RABGAP1L: variants seen among roughly 807,000 people sequenced by gnomAD.
RABGAP1L encodes rab GTPase-activating protein 1-like.
Under a neutral mutation model 137.7 loss-of-function variants are expected in RABGAP1L, and 63 were observed. The observed-to-expected ratio is 0.46, with a 90% CI of 0.37 to 0.56. The LOEUF is 0.56. Ranked by LOEUF, RABGAP1L falls within the 20% of genes least tolerant of loss-of-function variation. RABGAP1L has a pLI of 0.00. For missense variants in RABGAP1L, 1,095 were observed against 1,244.0 expected, an observed-to-expected ratio of 0.88 and a Z score of 1.80; for synonymous variants, 431 against 433.7, an observed-to-expected ratio of 0.99 and a Z score of 0.08.
chr1:174,774,529 G>C (rs1314226622), intron 18 of RABGAP1L, among the ~76,000 whole-genome samples: 1 of 151,808 alleles, frequency 6.6e-6, no homozygotes, highest in South Asian at 2.1e-4. Flanking sequence ...GTGAGATCCT[G>C]TCTCAAAAAA....
intron 18 of RABGAP1L, among the ~76,000 whole-genome samples, chr1:174,772,701 A>G (rs1427291390): frequency 6.6e-6 from 1 of 152,048 alleles, no homozygotes; most frequent in Non-Finnish European, 1.5e-5. Flanking sequence ...TCATCTTGCA[A>G]AACTGAAACT....
rs945500095 is a variant in RABGAP1L at position 174,876,134 on chromosome 1, T to C, written c.2340+64174T>C. On this transcript the variant is annotated intron_variant, in intron 19 of 25. Transcript: ENST00000681986. ...GTTAATGTAGATGAAAAAAATACTT[T>C]TGGAAAACATGGGAAAATAACACTA... Among the ~76,000 whole-genome samples the C allele has an allele frequency of 2.6e-5, 4 of 152,294 alleles. No homozygotes were observed. The East Asian group carries it at 5.8e-4, about 22-fold the overall frequency.
intron 13 of RABGAP1L, among the ~76,000 whole-genome samples, chr1:174,399,094 G>A (rs926881449): frequency 2.0e-5 from 3 of 152,074 alleles, no homozygotes; most frequent in Admixed American, 6.6e-5. Context: ...CTAATCATGT[G>A]CGTTTATTCA....
intron 5 of RABGAP1L, chr1:174,245,475 C>T (rs1389391518): frequency 6.6e-6 from 1 of 152,174 alleles, no homozygotes; most frequent in Non-Finnish European, 1.5e-5. Context: ...TTCCTTAAAT[C>T]AATTGATTTT....
chr1:174,859,376 G>A (rs977784912), intron 19 of RABGAP1L, among the ~76,000 whole-genome samples: 4 of 151,480 alleles, frequency 2.6e-5, no homozygotes, highest in East Asian at 2.0e-4. Context: ...CCAGCTACTC[G>A]GGAGGCTGAG....
chr1:174,373,242 A>G (rs1347568974), intron 12 of RABGAP1L, among the ~76,000 whole-genome samples: 1 of 152,170 alleles, frequency 6.6e-6, no homozygotes, highest in Non-Finnish European at 1.5e-5. Flanking sequence ...TTAGAGGCAG[A>G]TGACTTTTTC....
intron 18 of RABGAP1L, among the ~76,000 whole-genome samples, chr1:174,795,893 C>CCACTCCTA (rs1425230009): frequency 6.6e-6 from 1 of 152,182 alleles, no homozygotes; most frequent in Non-Finnish European, 1.5e-5. Context: ...CAAGTACTAA[C>CCACTCCTA]CACTCCTTTG....
At chr1:174,289,707 G>T (rs1274735792) in intron 10 of RABGAP1L, among the ~76,000 whole-genome samples, 1 of 152,202 alleles carries the variant, frequency 6.6e-6, no homozygotes, top group Non-Finnish European at 1.5e-5. Context: ...GGTAAGTGAG[G>T]CTGGGGTCTC....
At chr1:174,201,855 T>C (rs1208213089) in intron 1 of RABGAP1L, among the ~76,000 whole-genome samples, 1 of 137,558 alleles carries the variant, frequency 7.3e-6, no homozygotes, top group African/African-American at 2.7e-5. Context: ...CCTGTGTCCA[T>C]GTGTTCTCAT....
At chr1:174,840,865 T>A (rs1032045315) in intron 19 of RABGAP1L, among the ~76,000 whole-genome samples, 1 of 145,434 alleles carries the variant, frequency 6.9e-6, no homozygotes, top group African/African-American at 2.5e-5. Flanking sequence ...ATAGACTCAA[T>A]GAGGAATCAC....
chr1:174,428,256 A>G lies in RABGAP1L; in HGVS notation c.1710+34111A>G, dbSNP rs142841501. Among the ~76,000 whole-genome samples, 103 of 152,296 alleles carry G rather than the reference A, an allele frequency of 6.8e-4. 1 individual carries two copies. Among genetic ancestry groups the G allele is most frequent in the African/African-American group, 2.3e-3 (94 of 41,580 alleles). On this transcript the variant is annotated intron_variant, in intron 13 of 25. Coordinates refer to ENST00000681986, the MANE Select transcript of RABGAP1L (RefSeq NM_001366446.1). ...ACGTATGATTGAAGCACTATGTGTT[A>G]GGCTCCCTGAGTGATACAGAGATAA...
rs185658519 is a variant in RABGAP1L at position 174,239,934 on chromosome 1, T to C, written c.543-1549T>C. The stretch of plus-strand genomic sequence containing the variant: ...TACCAAAATATTGGCAATATAAATT[T>C]AGAAAATTTTGGTAAAAATGCTTTG... On this transcript the variant is annotated intron_variant, in intron 4 of 25. Coordinates refer to ENST00000681986, the MANE Select transcript of RABGAP1L (RefSeq NM_001366446.1). Among the ~76,000 whole-genome samples, 30 of 152,364 alleles carry C rather than the reference T, an allele frequency of 2.0e-4. No individual in the cohort carries two copies. The East Asian group carries it at 5.8e-3, about 29-fold the overall frequency.
intron 19 of RABGAP1L, chr1:174,892,744 T>C: frequency 2.1e-6 from 1 of 465,934 alleles, no homozygotes; most frequent in East Asian, 5.5e-5. Flanking sequence ...TTTTTTTTTT[T>C]TTGTGATGGA....
chr1:174,931,880 G>A (rs184231947), intron 19 of RABGAP1L, among the ~76,000 whole-genome samples: 2 of 151,750 alleles, frequency 1.3e-5, no homozygotes, highest in African/African-American at 4.8e-5. Context: ...TTCTCTGGTA[G>A]AAGACATTGT....
At chr1:174,942,268 C>T (rs900355333) in intron 19 of RABGAP1L, among the ~76,000 whole-genome samples, 6 of 152,134 alleles carry the variant, frequency 3.9e-5, no homozygotes, top group Non-Finnish European at 8.8e-5. Flanking sequence ...TACTGCTGTT[C>T]GGCCAAATCT....
At chr1:174,715,955 C>T (rs968620203) in intron 17 of RABGAP1L, among the ~76,000 whole-genome samples, 18 of 152,128 alleles carry the variant, frequency 1.2e-4, no homozygotes, top group African/African-American at 4.1e-4. Flanking sequence ...CCTCATCCCC[C>T]ACAGATACCA....
chr1:174,582,511 G>A (rs1668818944), intron 13 of RABGAP1L, among the ~76,000 whole-genome samples: 2 of 152,134 alleles, frequency 1.3e-5, no homozygotes, highest in East Asian at 1.9e-4. Context: ...AGGCTGAGGC[G>A]AGAGAAATTA....
rs558238894 is a variant in RABGAP1L at position 174,491,959 on chromosome 1, G to T, written c.1710+97814G>T. Among the ~76,000 whole-genome samples the T allele has an allele frequency of 7.2e-4, 109 of 152,234 alleles. 2 individuals carry two copies. The South Asian group carries it at 0.021, about 30-fold the overall frequency. Reference sequence around the variant, plus strand: ...CATGCAGCCACTGCTGGGGGATGAGGGAATGATTGTGTTGGCAGTTCAAGA... The same window carrying T: ...CATGCAGCCACTGCTGGGGGATGAGTGAATGATTGTGTTGGCAGTTCAAGA... On this transcript the variant is annotated intron_variant, in intron 13 of 25. Transcript: ENST00000681986.
At chr1:174,651,373 C>T (rs1675472028) in intron 14 of RABGAP1L, among the ~76,000 whole-genome samples, 3 of 152,168 alleles carry the variant, frequency 2.0e-5, no homozygotes. Context: ...GAGCTCAGTT[C>T]AATTCCCAGG....
Sources: gnomAD v4.1 joint callset for allele counts (sites outside exome capture counted in the v4.1 genomes callset) on GRCh38, gnomAD v4.1.1 for gene constraint, MANE v1.5 for transcripts, NCBI Gene and HGNC (gene_info 2026-07-23, HGNC 2026-07-21) for gene names.